Variants in SYNE2 observed in about 807,000 individuals in gnomAD.
The protein encoded by SYNE2 is spectrin repeat containing nuclear envelope protein 2, also known as nesprin-2.
A neutral mutation model predicts 856.3 loss-of-function variants in SYNE2; 431 were observed. The observed-to-expected ratio is 0.50, with a 90% CI of 0.47 to 0.55. SYNE2 has a LOEUF of 0.55. SYNE2 is among the 20% of genes least tolerant of loss of function. The pLI, the probability that SYNE2 is intolerant of heterozygous loss-of-function variation, is 0.00. For missense variants in SYNE2, 8,129 were observed against 8,023.2 expected (o/e 1.01, Z -0.50); for synonymous variants, 2,923 against 2,872.3 (o/e 1.02, Z -0.56).
Position 64,214,266 on chromosome 14 carries a change from T to C in SYNE2, c.19129T>C (p.Ser6377Pro). ...AGACCCCAGAGAAATCCAGACTGAT[T>C]CTTGGCGTAAACGGGGAGAGAGCGA... ...MEDPREIQTDSWRKRGESEEP... is the reference protein window; with the variant it reads ...MEDPREIQTDPWRKRGESEEP... Residue 6377 changes from serine to proline, a missense_variant, in exon 106 of 116, where the codon TCT becomes CCT. Coordinates refer to ENST00000555002, the MANE Select transcript of SYNE2 (RefSeq NM_182914.3). The C allele has an allele frequency of 6.2e-7, 1 of 1,613,884 alleles. No homozygotes were observed. Among genetic ancestry groups the C allele is most frequent in the Non-Finnish European group, 8.5e-7 (1 of 1,179,992 alleles).
intron 61 of SYNE2, 87 bp downstream of exon 61, chr14:64,093,567 C>G (rs994885253): frequency 4.0e-6 from 6 of 1,483,044 alleles, no homozygotes; most frequent in Non-Finnish European, 5.6e-6. Flanking sequence ...TGTCTAGGAG[C>G]CTTTCTAGTG....
intron 77 of SYNE2, 53 bp from the exon 78 acceptor site, chr14:64,134,016 T>C (rs1373733542): frequency 1.9e-6 from 3 of 1,606,930 alleles, no homozygotes; most frequent in Admixed American, 1.7e-5. Context: ...TGTTGTTATC[T>C]GGAACCAATC....
At chr14:64,122,618 C>A in intron 70 of SYNE2, 191 bp downstream of exon 70, 1 of 695,444 alleles carries the variant, frequency 1.4e-6, no homozygotes, top group Non-Finnish European at 2.5e-6. Flanking sequence ...GCACCCAGGG[C>A]TTCCCTCATC....
At position 64,065,605 on chromosome 14, in the gene SYNE2, G is replaced by A. The variant is rs780632525; in HGVS notation, c.10386G>A (p.Met3462Ile). 5 of 1,614,178 alleles carry A rather than the reference G, an allele frequency of 3.1e-6. No individual in the cohort carries two copies. Among genetic ancestry groups the A allele is most frequent in the Admixed American group, 3.3e-5 (2 of 60,014 alleles). ...SLLEAAKEWE[M>I]WCEELKQEWK... The stretch of plus-strand genomic sequence containing the variant: ...TGGAAGCTGCTAAAGAGTGGGAGAT[G>A]TGGTGCGAAGAACTGAAGCAGGAAT... Residue 3462 changes from methionine to isoleucine, a missense_variant, in exon 51 of 116, where the codon ATG becomes ATA. Transcript: ENST00000555002.
At chr14:64,122,474 A>G (rs757138667) in intron 70 of SYNE2, 47 bp downstream of exon 70, 1 of 1,612,856 alleles carries the variant, frequency 6.2e-7, no homozygotes, top group South Asian at 1.1e-5. Context: ...ATCTTTGAAA[A>G]TCCAACAAGC....
chr14:64,220,459 C>T lies in SYNE2; in HGVS notation c.19883C>T (p.Thr6628Ile). 3.7e-6 allele frequency: 6 copies of T among 1,614,226 alleles called. No homozygotes were observed. Among genetic ancestry groups the T allele is most frequent in the Non-Finnish European group, 3.4e-6 (4 of 1,180,050 alleles). Residue 6628 changes from threonine (T) to isoleucine (I), a missense_variant, in exon 111 of 116, where the codon ACT becomes ATT. Transcript: ENST00000555002. Reference protein sequence around the residue: ...RLQEILKAFDTYKALVVSVNV... With the variant: ...RLQEILKAFDIYKALVVSVNV... ...TAGGAGATACTGAAAGCCTTTGACA[C>T]TTACAAGGCATTAGTGGTCTCTGTC...
In SYNE2 at chr14:64,051,545, T is replaced by A. The variant is rs754188624; in HGVS notation, c.7644-12T>A. ...TAAATATTAACAAGCTCTATTTTTA[T>A]TCTTTTTCTAGAGGACCACTGGACA... is the stretch of plus-strand genomic sequence containing the variant. On this transcript the variant is annotated splice_polypyrimidine_tract_variant and intron_variant, in intron 47 of 115. Transcript: ENST00000555002. The A allele has an allele frequency of 6.2e-7, 1 of 1,603,816 alleles. No individual in the cohort carries two copies. The highest frequency in any genetic ancestry group is 8.5e-7 in the Non-Finnish European group (1 of 1,175,896).
chr14:63,934,922 C>T lies in SYNE2; in HGVS notation c.80-5692C>T, dbSNP rs535452108. ...CCCTCTCTGCTTTTACATGTGACCC[C>T]GATTAGTGTACAGTGTGTGCATATA... On this transcript the variant is annotated intron_variant, in intron 2 of 115. Transcript: ENST00000555002. 1.8e-4 allele frequency among the ~76,000 whole-genome samples: 27 copies of T among 152,170 alleles called. No individual in the cohort carries two copies. The South Asian group carries it at 3.9e-3, about 22-fold the overall frequency.
rs113329328 is a variant in SYNE2, at chr14:63,846,391, G to A, written c.-304-6110G>A. 2.0e-3 allele frequency among the ~76,000 whole-genome samples: 300 copies of A among 151,884 alleles called. 3 individuals are homozygous for A. Among genetic ancestry groups the A allele is most frequent in the South Asian group, 0.016 (79 of 4,806 alleles). ...TGAGAAATCAAATTCATTTTTGGCCGTTCTTTCATTTTTAGCAATAGAAAT... is the reference window on the plus strand; with the variant it reads ...TGAGAAATCAAATTCATTTTTGGCCATTCTTTCATTTTTAGCAATAGAAAT... On this transcript the variant is annotated intron_variant, in intron 1 of 23. Transcript: ENST00000674003.
At chr14:64,047,191 A>AG (rs1387902266) in intron 45 of SYNE2, among the ~76,000 whole-genome samples, 1 of 152,120 alleles carries the variant, frequency 6.6e-6, no homozygotes, top group African/African-American at 2.4e-5. Flanking sequence ...GGGAAGCTGG[A>AG]GGGGGGATGG....
intron 61 of SYNE2, among the ~76,000 whole-genome samples, chr14:64,095,804 C>T (rs2097671858): frequency 6.6e-6 from 1 of 152,064 alleles, no homozygotes; most frequent in Non-Finnish European, 1.5e-5. Flanking sequence ...AAAATGTTGC[C>T]TCCCCTCCCC....
intron 1 of SYNE2, among the ~76,000 whole-genome samples, chr14:63,842,645 G>C (rs1890107331): frequency 1.3e-5 from 2 of 150,976 alleles, no homozygotes; most frequent in African/African-American, 4.9e-5. Flanking sequence ...TTTTAGTAGA[G>C]ATGGGGGTTT....
chr14:64,011,468 A>C (rs1449560379), intron 32 of SYNE2, among the ~76,000 whole-genome samples: 4 of 152,128 alleles, frequency 2.6e-5, no homozygotes, highest in African/African-American at 9.7e-5. Flanking sequence ...CAGCCTTACC[A>C]GATCCTCTCG....
Position 63,977,892 on chromosome 14 carries a change from A to C in SYNE2, c.1294-13A>C. On this transcript the variant is annotated splice_polypyrimidine_tract_variant and intron_variant, in intron 12 of 115. Transcript: ENST00000555002. ...AATAAGTATCGTTTATGTCATGCTGAATTTCTTTTCAGAGCCTGATGGATA... is the reference window on the plus strand; with the variant it reads ...AATAAGTATCGTTTATGTCATGCTGCATTTCTTTTCAGAGCCTGATGGATA... 1 of 1,570,008 alleles carries C rather than the reference A, an allele frequency of 6.4e-7. No homozygotes were observed. Among genetic ancestry groups the C allele is most frequent in the Non-Finnish European group, 8.8e-7 (1 of 1,139,990 alleles).
At chr14:64,168,346 G>T (rs1359745940) in intron 92 of SYNE2, among the ~76,000 whole-genome samples, 4 of 152,124 alleles carry the variant, frequency 2.6e-5, no homozygotes, top group African/African-American at 4.8e-5. Context: ...CAAGTGATCC[G>T]CCTGCCTCGG....
chr14:63,964,708 G>A (rs1017072470), intron 10 of SYNE2, among the ~76,000 whole-genome samples: 13 of 152,010 alleles, frequency 8.6e-5, no homozygotes, highest in African/African-American at 3.1e-4. Flanking sequence ...GTTTTTAGTA[G>A]AGACAGGGTT....
intron 1 of SYNE2, among the ~76,000 whole-genome samples, chr14:63,814,658 TTA>T (rs1292602540): frequency 1.8e-5 from 1 of 56,424 alleles, no homozygotes; most frequent in African/African-American, 5.9e-5. Flanking sequence ...TATATAATCC[TTA>T]TATATATCCA....
At position 64,213,330 on chromosome 14, in the gene SYNE2, A is replaced by C. The variant is rs371239722; in HGVS notation, c.19056+325A>C. Among the ~76,000 whole-genome samples, 72 of 152,242 alleles carry C rather than the reference A, an allele frequency of 4.7e-4. 3 individuals are homozygous for C. The South Asian group carries it at 0.014, about 29-fold the overall frequency. The stretch of plus-strand genomic sequence containing the variant: ...TTCTTGAAGAACTCTTCTGGCTTTT[A>C]TTACATTAGTAACTTAGGAATGTAT... On this transcript the variant is annotated intron_variant, in intron 105 of 115. Transcript: ENST00000555002.
intron 82 of SYNE2, 44 bp from the exon 83 acceptor site, chr14:64,143,728 C>T (rs1595813063): frequency 6.2e-7 from 1 of 1,606,638 alleles, no homozygotes; most frequent in Non-Finnish European, 8.5e-7. Context: ...TTTGATCTGA[C>T]CAACATTCAT....
Sources: gnomAD v4.1 joint callset for allele counts (sites outside exome capture counted in the v4.1 genomes callset) on GRCh38, gnomAD v4.1.1 for gene constraint, MANE v1.5 for transcripts, NCBI Gene and HGNC (gene_info 2026-07-23, HGNC 2026-07-21) for gene names.